Variants in ENTHD1 observed in about 807,000 individuals in gnomAD.
ENTHD1 encodes ENTH domain containing 1, also known as ENTH domain-containing protein 1.
Under a neutral mutation model 39.1 loss-of-function variants are expected in ENTHD1, and 23 were observed. That is an observed-to-expected ratio of 0.59 (90% CI 0.42 to 0.83). The LOEUF is 0.83. ENTHD1 is among the 40% of genes least tolerant of loss of function. ENTHD1 has a pLI of 0.00. For missense variants in ENTHD1, 624 were observed against 705.4 expected (o/e 0.88, Z 1.31); for synonymous variants, 230 against 258.2 (o/e 0.89, Z 1.05).
At chr22:39,860,831 C>T (rs766758879) in intron 3 of ENTHD1, among the ~76,000 whole-genome samples, 4 of 152,290 alleles carry the variant, frequency 2.6e-5, no homozygotes, top group African/African-American at 4.8e-5. Context: ...AGCAAAATGA[C>T]ATTTTTTAAA....
At position 39,744,177 on chromosome 22, in the gene ENTHD1, G is replaced by A. The variant is rs768337439; in HGVS notation, c.1326C>T (p.Ala442=). The change falls in exon 7 of 7, where the codon GCC becomes GCT. Residue 442 remains alanine, a synonymous_variant. Transcript: ENST00000325157. The part of the protein sequence containing the change: ...KSAHLLSPIL[A]GPSFWTLSHQ... The stretch of plus-strand genomic sequence containing the variant: ...GGGACAGAGTCCAGAAGGAAGGTCC[G>A]GCCAGAATTGGTGATAAGAGATGAG... 1.9e-5 allele frequency: 30 copies of A among 1,613,972 alleles called. No homozygotes were observed. The highest frequency in any genetic ancestry group is 5.0e-5 in the Admixed American group (3 of 59,994).
intron 5 of ENTHD1, among the ~76,000 whole-genome samples, chr22:39,793,950 T>C (rs748211928): frequency 2.0e-5 from 3 of 152,202 alleles, no homozygotes; most frequent in Non-Finnish European, 2.9e-5. Context: ...TGGACTCTTG[T>C]TTGGTTTCAT....
chr22:39,882,068 A>T (rs1260062335), intron 2 of ENTHD1, among the ~76,000 whole-genome samples: 1 of 152,178 alleles, frequency 6.6e-6, no homozygotes, highest in Non-Finnish European at 1.5e-5. Flanking sequence ...TTCTTCTCTG[A>T]GACAACAAAA....
At chr22:39,802,492 T>A (rs757938443) in intron 5 of ENTHD1, among the ~76,000 whole-genome samples, 1 of 152,222 alleles carries the variant, frequency 6.6e-6, no homozygotes, top group Non-Finnish European at 1.5e-5. Context: ...CCCTCTGGAA[T>A]GAGGGTCTTA....
At chr22:39,860,796 A>G (rs773429451) in intron 3 of ENTHD1, among the ~76,000 whole-genome samples, 23 of 152,210 alleles carry the variant, frequency 1.5e-4, no homozygotes, top group Non-Finnish European at 2.8e-4. Context: ...CAACTTATCA[A>G]CAGGGTTTCT....
At chr22:39,746,285 C>T in intron 6 of ENTHD1, among the ~76,000 whole-genome samples, 1 of 151,854 alleles carries the variant, frequency 6.6e-6, no homozygotes, top group East Asian at 1.9e-4. Context: ...TATATTTCTG[C>T]TATTATATTT....
chr22:39,757,183 G>T (rs1383634273), intron 6 of ENTHD1, among the ~76,000 whole-genome samples: 1 of 152,144 alleles, frequency 6.6e-6, no homozygotes. Context: ...CACTGCAGAG[G>T]TCTTACATGT....
intron 5 of ENTHD1, among the ~76,000 whole-genome samples, chr22:39,813,108 A>G (rs1255377865): frequency 1.3e-5 from 2 of 152,160 alleles, no homozygotes; most frequent in Non-Finnish European, 2.9e-5. Context: ...ACAGGGAGAG[A>G]CACATTGTGG....
At chr22:39,876,103 G>A in intron 2 of ENTHD1, 2 of 1,604,144 alleles carry the variant, frequency 1.2e-6, no homozygotes. Flanking sequence ...ACGATATGGT[G>A]ATTGTTGGTT....
At chr22:39,782,550 C>T (rs1569137948) in intron 5 of ENTHD1, among the ~76,000 whole-genome samples, 2 of 151,912 alleles carry the variant, frequency 1.3e-5, no homozygotes, top group African/African-American at 2.4e-5. Flanking sequence ...AATATAGATA[C>T]AAAAATTCTT....
chr22:39,776,929 T>C (rs1383570024), intron 5 of ENTHD1, among the ~76,000 whole-genome samples: 2 of 152,232 alleles, frequency 1.3e-5, no homozygotes, highest in Non-Finnish European at 2.9e-5. Flanking sequence ...TATTATTTTG[T>C]ATTCATTATT....
chr22:39,854,210 G>A (rs2066066735), intron 3 of ENTHD1, among the ~76,000 whole-genome samples: 1 of 152,182 alleles, frequency 6.6e-6, no homozygotes, highest in Non-Finnish European at 1.5e-5. Flanking sequence ...CACACAGACA[G>A]GGACCTCAGC....
At position 39,860,425 on chromosome 22, in the gene ENTHD1, G is replaced by A. The variant is rs552313445; in HGVS notation, c.592+1340C>T. Among the ~76,000 whole-genome samples the A allele has an allele frequency of 3.9e-5, 6 of 152,188 alleles. No homozygotes were observed. The South Asian group carries it at 8.3e-4, about 21-fold the overall frequency. ...TTCAGAATGAGTGGCTGTCTCTTTC[G>A]GAGATTTATTTCAAAAGAATCAGAT... On this transcript the variant is annotated intron_variant, in intron 3 of 6. Transcript: ENST00000325157.
At chr22:39,856,274 C>CAAA (rs34598525) in intron 3 of ENTHD1, among the ~76,000 whole-genome samples, 28 of 50,550 alleles carry the variant, frequency 5.5e-4, no homozygotes, top group South Asian at 6.6e-4. Flanking sequence ...AACTTCATCT[C>CAAA]AAAAAAAAAA....
chr22:39,767,017 T>C (rs73163069), intron 5 of ENTHD1, among the ~76,000 whole-genome samples: 107 of 152,306 alleles, frequency 7.0e-4, no homozygotes, highest in Non-Finnish European at 1.1e-3. Flanking sequence ...TGTGAGTAAT[T>C]ATAACACTTC....
Position 39,744,199 on chromosome 22 carries a change from T to C in ENTHD1, c.1304A>G (p.His435Arg), listed in dbSNP as rs1303180014. The C allele has an allele frequency of 6.2e-7, 1 of 1,614,076 alleles. No homozygotes were observed. Among genetic ancestry groups the C allele is most frequent in the Admixed American group, 1.7e-5 (1 of 60,022 alleles). The change falls in exon 7 of 7, where the codon CAT (histidine) becomes CGT (arginine). Residue 435 changes from histidine (H) to arginine (R), a missense_variant. His to Arg is a conservative substitution (Grantham distance 29, BLOSUM62 0). Coordinates refer to ENST00000325157, the MANE Select transcript of ENTHD1 (RefSeq NM_152512.4). ...PDLASPEKSAHLLSPILAGPS... is the reference protein window; with the variant it reads ...PDLASPEKSARLLSPILAGPS... ...TCCGGCCAGAATTGGTGATAAGAGA[T>C]GAGCTGACTTCTCTGGAGAGGCTAA...
chr22:39,811,524 C>T (rs915382106), intron 5 of ENTHD1, among the ~76,000 whole-genome samples: 1 of 152,182 alleles, frequency 6.6e-6, no homozygotes, highest in Non-Finnish European at 1.5e-5. Context: ...CAACTATTAG[C>T]CACCTAAAAA....
At position 39,751,985 on chromosome 22, in the gene ENTHD1, G is replaced by A. The variant is rs78875444; in HGVS notation, c.1220-7702C>T. On this transcript the variant is annotated intron_variant, in intron 6 of 6. Transcript: ENST00000325157. Reference sequence around the variant, plus strand: ...TTAACATTTTACACAAATGTTTGTGGCAGAATTATTTGTAATAGCCAAAAG... The same window carrying A: ...TTAACATTTTACACAAATGTTTGTGACAGAATTATTTGTAATAGCCAAAAG... 7.1e-3 allele frequency among the ~76,000 whole-genome samples: 1,085 copies of A among 151,938 alleles called. 8 individuals are homozygous for A. The highest frequency in any genetic ancestry group is 0.025 in the African/African-American group (1,026 of 41,420).
chr22:39,817,326 A>G (rs1336884612), intron 5 of ENTHD1, among the ~76,000 whole-genome samples: 1 of 152,348 alleles, frequency 6.6e-6, no homozygotes, highest in Non-Finnish European at 1.5e-5. Context: ...GTAACAGTGA[A>G]AAACATCAAA....
Sources: allele counts gnomAD v4.1 joint callset (sites outside exome capture counted in the v4.1 genomes callset), GRCh38; gene constraint gnomAD v4.1.1; transcripts MANE v1.5; gene names NCBI Gene and HGNC (gene_info 2026-07-23, HGNC 2026-07-21).